Variants in ST3GAL3 observed in about 807,000 individuals in gnomAD.
ST3GAL3 encodes ST3 beta-galactoside alpha-2,3-sialyltransferase 3.
Under a neutral mutation model 50.1 loss-of-function variants are expected in ST3GAL3, and 21 were observed. The observed-to-expected ratio is 0.42, with a 90% confidence interval of 0.30 to 0.60. The LOEUF (loss-of-function observed/expected upper bound fraction) is 0.60, where lower values mean the gene tolerates loss of function less well. Ranked by LOEUF, ST3GAL3 falls within the 20% of genes least tolerant of loss-of-function variation. The pLI is 0.19. For synonymous variants in ST3GAL3, 183 were observed against 190.0 expected, an observed-to-expected ratio of 0.96 and a Z score of 0.30; for missense variants, 353 against 489.4, an observed-to-expected ratio of 0.72 and a Z score of 2.63.
At chr1:43,849,864 C>T (rs1388299650) in intron 5 of ST3GAL3, among the ~76,000 whole-genome samples, 1 of 152,202 alleles carries the variant, frequency 6.6e-6, no homozygotes, top group East Asian at 1.9e-4. Context: ...TGCTGGGTAA[C>T]AAGATAGTAA....
chr1:43,846,632 G>A (rs2066298518), intron 5 of ST3GAL3, among the ~76,000 whole-genome samples: 1 of 152,118 alleles, frequency 6.6e-6, no homozygotes, highest in Non-Finnish European at 1.5e-5. Context: ...TCAAGTAGCT[G>A]GGACCACAAA....
At chr1:43,779,980 G>T (rs1240181760) in intron 2 of ST3GAL3, among the ~76,000 whole-genome samples, 1 of 152,088 alleles carries the variant, frequency 6.6e-6, no homozygotes, top group Non-Finnish European at 1.5e-5. Flanking sequence ...TGGATGGTTT[G>T]CTCTCTGTGT....
At chr1:43,842,328 ATTT>A (rs2065525547) in intron 5 of ST3GAL3, 1 of 151,964 alleles carries the variant, frequency 6.6e-6, no homozygotes, top group Non-Finnish European at 1.5e-5. Context: ...CCTGGTACCA[ATTT>A]TATGTATTAG....
intron 5 of ST3GAL3, among the ~76,000 whole-genome samples, chr1:43,844,533 C>T (rs1036688578): frequency 7.2e-5 from 11 of 152,106 alleles, no homozygotes; most frequent in Admixed American, 4.6e-4. Flanking sequence ...TATTGGTGGC[C>T]GGGCACGGTG....
At chr1:43,829,821 T>C (rs2063292737) in intron 4 of ST3GAL3, among the ~76,000 whole-genome samples, 1 of 152,008 alleles carries the variant, frequency 6.6e-6, no homozygotes, top group African/African-American at 2.4e-5. Flanking sequence ...AGGTAATCTT[T>C]TATTTACTTA....
chr1:43,829,165 ACAAC>A (rs1214617958), intron 4 of ST3GAL3, among the ~76,000 whole-genome samples: 1 of 151,562 alleles, frequency 6.6e-6, no homozygotes, highest in African/African-American at 2.4e-5. Context: ...TGAAACAGCC[ACAAC>A]CAATATCCAA....
chr1:43,814,939 T>C lies in ST3GAL3; in HGVS notation c.209+6T>C. The C allele has an allele frequency of 6.2e-7, 1 of 1,613,918 alleles. No homozygotes were observed. Among genetic ancestry groups the C allele is most frequent in the Non-Finnish European group, 8.5e-7 (1 of 1,179,894 alleles). ...CTGAATCTGGACTCTAAACTGTGAG[T>C]AGAATGAGAAGATACCTTGGCTCTG... On this transcript the variant is annotated splice_donor_region_variant and intron_variant, in intron 4 of 11. Transcript: ENST00000347631.
chr1:43,756,118 AG>A (rs372253511), intron 2 of ST3GAL3, among the ~76,000 whole-genome samples: 104 of 117,620 alleles, frequency 8.8e-4, no homozygotes, highest in African/African-American at 2.2e-3. Flanking sequence ...AAAAAAAAAA[AG>A]AAGAAGAAGA....
intron 4 of ST3GAL3, among the ~76,000 whole-genome samples, chr1:43,837,830 G>C (rs937292896): frequency 2.0e-5 from 3 of 152,274 alleles, no homozygotes; most frequent in East Asian, 3.9e-4. Context: ...TGAGAATCCA[G>C]TTAAGTTCCT....
In ST3GAL3 at chr1:43,765,800, CGTCCGCGCGTCCGCGT is replaced by C. The variant is rs1408668565; in HGVS notation, c.119-26300_119-26285del. Among the ~76,000 whole-genome samples the C allele has an allele frequency of 1.4e-3, 196 of 143,350 alleles. 3 individuals carry two copies. The highest frequency in any genetic ancestry group is 5.4e-3 in the African/African-American group (187 of 34,790). 94.0% of individuals were successfully genotyped at this position (143,350 alleles called of 152,430 possible). The stretch of plus-strand genomic sequence containing the variant: ...GTGTGTGTGTGCGCGCGCGCGCGCG[CGTCCGCGCGTCCGCGT>C]GCGCTTTTTTTTTAGTGGTATAGGA... On this transcript the variant is annotated intron_variant, in intron 2 of 11. Coordinates refer to ENST00000347631, the MANE Select transcript of ST3GAL3 (RefSeq NM_006279.5).
rs969658986 is a variant in ST3GAL3 at position 43,721,986 on chromosome 1, A to T, written c.-30-14247A>T. On this transcript the variant is annotated intron_variant, in intron 1 of 11. Transcript: ENST00000347631. ...AGTTTTTGAGCACCTACCAGGGATA[A>T]AATGGTGAACAAAATAGACATGTTC... 3.3e-5 allele frequency among the ~76,000 whole-genome samples: 5 copies of T among 152,102 alleles called. No individual in the cohort carries two copies. The East Asian group carries it at 7.7e-4, about 23-fold the overall frequency.
Position 43,749,981 on chromosome 1 carries a change from T to A in ST3GAL3, c.118+13601T>A, listed in dbSNP as rs865846384. 6.6e-5 allele frequency among the ~76,000 whole-genome samples: 10 copies of A among 152,352 alleles called. No homozygotes were observed. The South Asian group carries it at 2.1e-3, about 32-fold the overall frequency. On this transcript the variant is annotated intron_variant, in intron 2 of 11. Transcript: ENST00000347631. Reference sequence around the variant, plus strand: ...ACCAAACCTGCTAATGTTTTGATCTTTGACTTCAGAATCTCTAGAACTATG... The same window carrying A: ...ACCAAACCTGCTAATGTTTTGATCTATGACTTCAGAATCTCTAGAACTATG...
intron 4 of ST3GAL3, among the ~76,000 whole-genome samples, chr1:43,823,438 G>C (rs2062370645): frequency 6.6e-6 from 1 of 151,988 alleles, no homozygotes; most frequent in South Asian, 2.1e-4. Flanking sequence ...TCCCTTGTCT[G>C]GAACACTCTT....
intron 4 of ST3GAL3, among the ~76,000 whole-genome samples, chr1:43,831,090 G>A (rs1478940374): frequency 1.3e-5 from 2 of 152,172 alleles, no homozygotes; most frequent in African/African-American, 4.8e-5. Context: ...TAAGAGTTAA[G>A]GAAACCAGTT....
chr1:43,856,947 T>C (rs1322375144), intron 5 of ST3GAL3, among the ~76,000 whole-genome samples: 2 of 152,184 alleles, frequency 1.3e-5, no homozygotes, highest in African/African-American at 4.8e-5. Flanking sequence ...TGTGGGATTT[T>C]TTTTTTTTAG....
intron 11 of ST3GAL3, chr1:43,922,431 G>A (rs2083197812): frequency 6.6e-6 from 1 of 152,256 alleles, no homozygotes. Flanking sequence ...GAACCCAGGA[G>A]GCAGAGGTTG....
chr1:43,908,067 G>A (rs1231713333), intron 9 of ST3GAL3, among the ~76,000 whole-genome samples: 1 of 152,160 alleles, frequency 6.6e-6, no homozygotes, highest in African/African-American at 2.4e-5. Flanking sequence ...TGTGTAGTGG[G>A]CACAGCGCTG....
At chr1:43,756,577 A>G (rs1688220449) in intron 2 of ST3GAL3, among the ~76,000 whole-genome samples, 1 of 152,056 alleles carries the variant, frequency 6.6e-6, no homozygotes. Flanking sequence ...CGCACACATT[A>G]AACAAAATAG....
intron 4 of ST3GAL3, among the ~76,000 whole-genome samples, chr1:43,833,179 A>G (rs1214968162): frequency 6.6e-6 from 1 of 152,170 alleles, no homozygotes; most frequent in African/African-American, 2.4e-5. Context: ...ATCACTGTCA[A>G]TGACTCTTCC....
Sources: gnomAD v4.1 joint callset for allele counts (sites outside exome capture counted in the v4.1 genomes callset) on GRCh38, gnomAD v4.1.1 for gene constraint, MANE v1.5 for transcripts, NCBI Gene and HGNC (gene_info 2026-07-23, HGNC 2026-07-21) for gene names.